TPD52L1: variants seen among roughly 807,000 people sequenced by gnomAD.
TPD52L1 encodes the protein tumor protein D53.
Under a neutral mutation model 28.7 loss-of-function variants are expected in TPD52L1, and 18 were observed. The observed-to-expected ratio is 0.63, with a 90% CI of 0.43 to 0.93. TPD52L1 has a LOEUF of 0.93. Ranked by LOEUF, TPD52L1 falls within the 40% of genes least tolerant of loss-of-function variation. The probability of loss-of-function intolerance (pLI) is 0.00; values close to 1 mark genes in which losing one functional copy is unlikely to be tolerated. For missense variants in TPD52L1, 203 were observed against 254.8 expected, an observed-to-expected ratio of 0.80 and a Z score of 1.39; for synonymous variants, 75 against 88.8, an observed-to-expected ratio of 0.84 and a Z score of 0.88.
chr6:125,186,600 C>T (rs1266992390), intron 1 of TPD52L1, among the ~76,000 whole-genome samples: 1 of 152,154 alleles, frequency 6.6e-6, no homozygotes, highest in Non-Finnish European at 1.5e-5. Flanking sequence ...GAAGAATAAA[C>T]TGTGACACAT....
chr6:125,242,309 A>C (rs1048136588), intron 3 of TPD52L1, among the ~76,000 whole-genome samples: 12 of 152,068 alleles, frequency 7.9e-5, no homozygotes, highest in Admixed American at 5.9e-4. Flanking sequence ...TAAGTCCATT[A>C]GTTCTAGTGT....
intron 2 of TPD52L1, 98 bp from the exon 3 acceptor site, chr6:125,229,020 G>A: frequency 3.1e-6 from 4 of 1,293,120 alleles, no homozygotes; most frequent in Non-Finnish European, 4.3e-6. Flanking sequence ...TGTATAAATA[G>A]GAGGGTCAGA....
chr6:125,255,607 CATA>C (rs1797549849), intron 5 of TPD52L1, among the ~76,000 whole-genome samples: 1 of 152,176 alleles, frequency 6.6e-6, no homozygotes, highest in Admixed American at 6.5e-5. Flanking sequence ...CAAATTCACT[CATA>C]AACATCTATG....
chr6:125,255,794 T>A (rs1202116560), intron 5 of TPD52L1, among the ~76,000 whole-genome samples: 1 of 152,132 alleles, frequency 6.6e-6, no homozygotes, highest in African/African-American at 2.4e-5. Context: ...CAACATTTAG[T>A]TGAATTATTT....
At chr6:125,226,381 G>T (rs75481850) in intron 2 of TPD52L1, among the ~76,000 whole-genome samples, 314 of 151,916 alleles carry the variant, frequency 2.1e-3, no homozygotes, top group African/African-American at 7.2e-3. Flanking sequence ...TTGTTAAATT[G>T]GTCACTTTAA....
intron 1 of TPD52L1, among the ~76,000 whole-genome samples, chr6:125,219,161 A>T: frequency 6.6e-6 from 1 of 152,200 alleles, no homozygotes; most frequent in Non-Finnish European, 1.5e-5. Flanking sequence ...ATCATGTCAT[A>T]GATGAAGTTT....
intron 4 of TPD52L1, chr6:125,251,930 G>C: frequency 7.2e-7 from 1 of 1,393,476 alleles, no homozygotes. Flanking sequence ...TGGGGCCCTT[G>C]AAAGGGGACC....
At chr6:125,233,463 G>C (rs1796072992) in intron 3 of TPD52L1, among the ~76,000 whole-genome samples, 2 of 152,114 alleles carry the variant, frequency 1.3e-5, no homozygotes, top group African/African-American at 4.8e-5. Flanking sequence ...TTTAAAAGAT[G>C]TACACACCCA....
intron 1 of TPD52L1, among the ~76,000 whole-genome samples, chr6:125,174,053 C>A (rs1791670206): frequency 6.6e-6 from 1 of 152,168 alleles, no homozygotes; most frequent in Admixed American, 6.5e-5. Flanking sequence ...TCTCAGTTTG[C>A]TCATCTACAA....
chr6:125,228,925 C>T, intron 2 of TPD52L1, 193 bp from the exon 3 acceptor site: 1 of 412,604 alleles, frequency 2.4e-6, no homozygotes, highest in Non-Finnish European at 4.3e-6. Flanking sequence ...CTTCTATAAT[C>T]ATTAAAATGA....
intron 3 of TPD52L1, among the ~76,000 whole-genome samples, chr6:125,237,453 A>G (rs139076911): frequency 1.3e-5 from 2 of 152,172 alleles, no homozygotes; most frequent in African/African-American, 4.8e-5. Context: ...TTGGAGAATG[A>G]AAGAAACAGA....
chr6:125,158,193 C>T (rs1163624752), intron 1 of TPD52L1, among the ~76,000 whole-genome samples: 1 of 152,136 alleles, frequency 6.6e-6, no homozygotes, highest in Non-Finnish European at 1.5e-5. Context: ...GGTAACATTT[C>T]CAGGTTCCAG....
At chr6:125,183,002 C>T (rs1792314256) in intron 1 of TPD52L1, among the ~76,000 whole-genome samples, 1 of 152,094 alleles carries the variant, frequency 6.6e-6, no homozygotes, top group Non-Finnish European at 1.5e-5. Flanking sequence ...GACAAATTCC[C>T]CTTTTTTGAG....
At chr6:125,260,906 A>AAGGAAAGAAAG (rs1554219348) in intron 6 of TPD52L1, 1 of 113,204 alleles carries the variant, frequency 8.8e-6, no homozygotes, top group African/African-American at 4.2e-5. Flanking sequence ...GGGAGAAAGA[A>AAGGAAAGAAAG]AGGAAAGAAA....
intron 1 of TPD52L1, among the ~76,000 whole-genome samples, chr6:125,157,477 G>A (rs114585501): frequency 1.7e-3 from 266 of 152,296 alleles, no homozygotes; most frequent in African/African-American, 6.0e-3. Flanking sequence ...TGTTCACTGA[G>A]GAGGGCTGGA....
chr6:125,174,078 G>A (rs1791673457), intron 1 of TPD52L1, among the ~76,000 whole-genome samples: 2 of 152,184 alleles, frequency 1.3e-5, no homozygotes, highest in Admixed American at 1.3e-4. Flanking sequence ...GTGGAAATGG[G>A]GGGCCCTCGA....
rs1395766993 is a variant in TPD52L1, at chr6:125,169,720, G to A, written c.19+15750G>A. Among the ~76,000 whole-genome samples the A allele has an allele frequency of 3.3e-5, 5 of 152,110 alleles. No homozygotes were observed. In the South Asian group the frequency reaches 8.3e-4, roughly 25 times the overall value. ...CATTACTGCAGGAGCCTCCTAGCAG[G>A]CCTCCCTGCCTTGGTCCTGGACTGC... On this transcript the variant is annotated intron_variant, in intron 1 of 6. Transcript: ENST00000534000.
chr6:125,187,999 A>G (rs1792760831), intron 1 of TPD52L1, among the ~76,000 whole-genome samples: 1 of 151,998 alleles, frequency 6.6e-6, no homozygotes, highest in East Asian at 1.9e-4. Flanking sequence ...GAGAGCATTT[A>G]CATTTAAGAA....
intron 1 of TPD52L1, among the ~76,000 whole-genome samples, chr6:125,180,295 C>G (rs543485): frequency 0.56 from 85,420 of 152,004 alleles, 26,882 homozygotes; most frequent in African/African-American, 0.85. Flanking sequence ...AAGGTGGAAG[C>G]GAAGGAAGAT....
Sources: gnomAD v4.1 joint callset for allele counts (sites outside exome capture counted in the v4.1 genomes callset) on GRCh38, gnomAD v4.1.1 for gene constraint, MANE v1.5 for transcripts, NCBI Gene and HGNC (gene_info 2026-07-23, HGNC 2026-07-21) for gene names.